The following PHC2 variants were observed in gnomAD, a reference collection of about 807,000 sequenced individuals.
PHC2 encodes the protein polyhomeotic homolog 2, also known as polyhomeotic-like protein 2.
A neutral mutation model predicts 87.4 loss-of-function variants in PHC2; 29 were observed. The observed-to-expected ratio is 0.33, with a 90% CI of 0.25 to 0.45. PHC2 has a LOEUF of 0.45. Among genes scored for constraint, PHC2 ranks in the 20% least tolerant of loss-of-function variants. The pLI is 1.00. For missense variants in PHC2, 857 were observed against 1,136.7 expected, an observed-to-expected ratio of 0.75 and a Z score of 3.54; for synonymous variants, 438 against 461.7, an observed-to-expected ratio of 0.95 and a Z score of 0.66.
At chr1:33,360,320 C>T (rs1570483315) in intron 7 of PHC2, among the ~76,000 whole-genome samples, 3 of 152,268 alleles carry the variant, frequency 2.0e-5, no homozygotes, top group African/African-American at 7.2e-5. Context: ...TGCTAAGCAG[C>T]TTGGAGCATT....
At position 33,368,546 on chromosome 1, in the gene PHC2, G is replaced by T. The variant is rs768611848; in HGVS notation, c.653C>A (p.Thr218Asn). The change falls in exon 6 of 15, where the codon ACC becomes AAC. Residue 218 changes from threonine to asparagine, a missense_variant. This residue lies in a region of PHC2 where 832 missense variants were observed against 1,081.8 expected (regional missense o/e 0.77). Coordinates refer to ENST00000683057, the MANE Select transcript of PHC2 (RefSeq NM_001385109.1). This position sits in a 1 kb window ranked among gnomAD's most constrained non-coding sequence, Gnocchi z 6.6. ...GCATGGAGTCCTCACCTGGGCGGGG[G>T]TGGGGGGCCGGGCGGGGGAGCCAGT... Reference protein sequence around the residue: ...LGTGSPARPPTPAQVQNLTLR... With the variant: ...LGTGSPARPPNPAQVQNLTLR... 133 of 1,532,792 alleles carry T rather than the reference G, an allele frequency of 8.7e-5. No individual in the cohort carries two copies. Among genetic ancestry groups the T allele is most frequent in the South Asian group, 2.8e-4 (23 of 83,352 alleles). 94.9% of individuals were successfully genotyped at this position (1,532,792 alleles called of 1,614,324 possible).
intron 1 of PHC2, among the ~76,000 whole-genome samples, chr1:33,409,285 T>G (rs1347209539): frequency 1.3e-5 from 2 of 152,170 alleles, no homozygotes; most frequent in Admixed American, 1.3e-4. Flanking sequence ...AAAATCCCAT[T>G]GGTAAGGATT....
chr1:33,332,378 C>T lies in PHC2; in HGVS notation c.1788G>A (p.Gly596=). 2 of 1,614,150 alleles carry T rather than the reference C, an allele frequency of 1.2e-6. No individual in the cohort carries two copies. Among genetic ancestry groups the T allele is most frequent in the Non-Finnish European group, 1.7e-6 (2 of 1,180,004 alleles). The change falls in exon 11 of 15, where the codon GGG becomes GGA. Residue 596 remains glycine, a synonymous_variant. Transcript: ENST00000683057. The surrounding 1 kb of genome is among the most constrained non-coding windows in gnomAD (Gnocchi z 4.2). The part of the protein sequence containing the change: ...FPVGRSSLLV[G]NLKKKYAQGF... ...CCTGTGCATACTTCTTCTTGAGATT[C>T]CCCACCAGCAGGGACGAGCGTCCCA...
intron 1 of PHC2, among the ~76,000 whole-genome samples, chr1:33,419,592 G>A (rs1650347230): frequency 6.6e-6 from 1 of 151,432 alleles, no homozygotes; most frequent in African/African-American, 2.4e-5. Flanking sequence ...CCTTGTCTGT[G>A]TCTCCTTCTG....
intron 1 of PHC2, among the ~76,000 whole-genome samples, chr1:33,397,447 G>C (rs1649341492): frequency 6.6e-6 from 1 of 152,184 alleles, no homozygotes; most frequent in Non-Finnish European, 1.5e-5. Context: ...AAGCTTAAGA[G>C]GAATTGTTTT....
chr1:33,416,384 G>A (rs1320816195), intron 1 of PHC2, among the ~76,000 whole-genome samples: 8 of 150,770 alleles, frequency 5.3e-5, no homozygotes, highest in Admixed American at 6.6e-5. Context: ...TGGCTAACAC[G>A]GTGAAACCCC....
intron 7 of PHC2, chr1:33,363,722 A>T (rs190077374): frequency 2.0e-6 from 2 of 984,072 alleles, no homozygotes; most frequent in African/African-American, 3.5e-5. Flanking sequence ...CCAGTCAGCA[A>T]CTTTCTCCTC....
At chr1:33,346,447 A>T in intron 9 of PHC2, 1 of 985,176 alleles carries the variant, frequency 1.0e-6, no homozygotes, top group Non-Finnish European at 1.2e-6. Flanking sequence ...TCATTTCCCT[A>T]CTCTCGTCTC....
chr1:33,386,816 TGCACACATACAAA>T (rs1648782816), intron 1 of PHC2, among the ~76,000 whole-genome samples: 1 of 151,962 alleles, frequency 6.6e-6, no homozygotes, highest in Non-Finnish European at 1.5e-5. Flanking sequence ...ACACACACCC[TGCACACATACAAA>T]GCACACACAC....
intron 7 of PHC2, chr1:33,358,836 A>G (rs1185903177): frequency 6.6e-6 from 1 of 152,240 alleles, no homozygotes; most frequent in African/African-American, 2.4e-5. Context: ...ATCAAATTCT[A>G]GTCACCATTC....
In PHC2 at chr1:33,330,135, G is replaced by A; in HGVS notation, c.2084C>T (p.Thr695Ile). 1 of 1,614,208 alleles carries A rather than the reference G, an allele frequency of 6.2e-7. No homozygotes were observed. The highest frequency in any genetic ancestry group is 8.5e-7 in the Non-Finnish European group (1 of 1,180,036). Residue 695 changes from threonine to isoleucine, a missense_variant, in exon 13 of 15, where the codon ACC (threonine) becomes ATC (isoleucine). Thr to Ile is a moderately conservative substitution (Grantham distance 89, BLOSUM62 -1). Coordinates refer to ENST00000683057, the MANE Select transcript of PHC2 (RefSeq NM_001385109.1). ...RSKLQKAGAATHNRRRASKAS... is the reference protein window; with the variant it reads ...RSKLQKAGAAIHNRRRASKAS... ...TTTGCTGGCCCGACGGCGGTTGTGG[G>A]TCGCAGCTCCTGCCTTCTGCAGCTT...
At chr1:33,363,940 T>C (rs2148310541) in intron 7 of PHC2, 1 of 983,250 alleles carries the variant, frequency 1.0e-6, no homozygotes, top group African/African-American at 1.7e-5. Flanking sequence ...AGCCAGGCCC[T>C]TCTCCTTCCC....
At chr1:33,405,645 T>C (rs12131910) in intron 1 of PHC2, among the ~76,000 whole-genome samples, 7,525 of 152,328 alleles carry the variant, frequency 0.049, 228 homozygotes, top group Middle Eastern at 0.15. Context: ...CTAACTTCTT[T>C]AGATGAATTT....
intron 1 of PHC2, among the ~76,000 whole-genome samples, chr1:33,414,760 A>C (rs1245831545): frequency 6.6e-6 from 1 of 152,216 alleles, no homozygotes; most frequent in Non-Finnish European, 1.5e-5. Context: ...TATCACGTAG[A>C]ATTTTGTTAC....
rs369290284 is a variant in PHC2 at position 33,367,325 on chromosome 1, G to A, written c.767C>T (p.Pro256Leu). 46 of 1,612,954 alleles carry A rather than the reference G, an allele frequency of 2.9e-5. No individual in the cohort carries two copies. Among genetic ancestry groups the A allele is most frequent in the South Asian group, 8.8e-5 (8 of 91,024 alleles). Residue 256 changes from proline (P) to leucine (L), a missense_variant, in exon 7 of 15, where the codon CCG (proline) becomes CTG (leucine). Coordinates refer to ENST00000683057, the MANE Select transcript of PHC2 (RefSeq NM_001385109.1). Reference protein sequence around the residue: ...VLPSLALKPTPGGSQPLPTPA... With the variant: ...VLPSLALKPTLGGSQPLPTPA... ...GGTAGGCAGAGGCTGGCTACCGCCC[G>A]GCGTGGGTTTCAGGGCCAAGCTGGG...
chr1:33,355,278 A>G, intron 7 of PHC2, 25 bp from the exon 8 acceptor site: 1 of 1,530,648 alleles, frequency 6.5e-7, no homozygotes, highest in Non-Finnish European at 8.8e-7. Flanking sequence ...GCCAGGTTAG[A>G]GAGCATGGCT....
chr1:33,377,664 C>A (rs765160054), intron 1 of PHC2, among the ~76,000 whole-genome samples: 2 of 151,822 alleles, frequency 1.3e-5, no homozygotes, highest in Admixed American at 6.6e-5. Flanking sequence ...CACATTCAGT[C>A]ATCTGCTTGT....
chr1:33,376,857 A>T (rs1382147435), intron 1 of PHC2, among the ~76,000 whole-genome samples: 1 of 152,184 alleles, frequency 6.6e-6, no homozygotes, highest in African/African-American at 2.4e-5. Context: ...TGAACCCAGG[A>T]GACAGAGGTT....
At chr1:33,351,077 T>C (rs1021210064) in intron 9 of PHC2, among the ~76,000 whole-genome samples, 6 of 152,240 alleles carry the variant, frequency 3.9e-5, no homozygotes, top group Non-Finnish European at 8.8e-5. Flanking sequence ...GGCAAACTTT[T>C]TCTGCCAGGG....
Sources: gnomAD v4.1 joint callset for allele counts (sites outside exome capture counted in the v4.1 genomes callset) on GRCh38, gnomAD v4.1.1 for gene constraint, gnomAD v4.1.1 regional missense constraint, Gnocchi (gnomAD v3.1) non-coding constraint, MANE v1.5 for transcripts, NCBI Gene and HGNC (gene_info 2026-07-23, HGNC 2026-07-21) for gene names.